GRM5: variants seen among roughly 807,000 people sequenced by gnomAD.
GRM5 encodes glutamate metabotropic receptor 5.
Under a neutral mutation model 83.1 loss-of-function variants are expected in GRM5, and 19 were observed. That is an observed-to-expected ratio of 0.23 (90% CI 0.16 to 0.34). The LOEUF (loss-of-function observed/expected upper bound fraction) is 0.34, where lower values mean the gene tolerates loss of function less well. Among genes scored for constraint, GRM5 ranks in the 10% least tolerant of loss-of-function variants. GRM5 has a pLI of 1.00. For synonymous variants in GRM5, 675 were observed against 633.6 expected (o/e 1.07, Z -0.98); for missense variants, 1,160 against 1,588.3 (o/e 0.73, Z 4.58).
At chr11:88,779,917 A>G (rs1942939366) in intron 3 of GRM5, among the ~76,000 whole-genome samples, 2 of 152,088 alleles carry the variant, frequency 1.3e-5, no homozygotes, top group African/African-American at 4.8e-5. Flanking sequence ...TTCCTGGATT[A>G]GTGCCCCATC....
intron 3 of GRM5, among the ~76,000 whole-genome samples, chr11:88,697,762 A>T (rs1313354138): frequency 1.3e-5 from 2 of 152,242 alleles, no homozygotes; most frequent in Non-Finnish European, 2.9e-5. Flanking sequence ...CATAGCACTG[A>T]CAAAAGCTCT....
At chr11:88,596,224 A>T (rs1032980033) in intron 6 of GRM5, among the ~76,000 whole-genome samples, 1 of 152,070 alleles carries the variant, frequency 6.6e-6, no homozygotes, top group Non-Finnish European at 1.5e-5. Context: ...GAATCTACAA[A>T]CGTTTTCTCC....
chr11:88,795,963 G>C (rs11021345), intron 3 of GRM5, among the ~76,000 whole-genome samples: 1 of 152,108 alleles, frequency 6.6e-6, no homozygotes, highest in Non-Finnish European at 1.5e-5. Flanking sequence ...TTAATGAAAC[G>C]TATTAGTAAT....
At chr11:88,969,106 G>C (rs1939084081) in intron 2 of GRM5, among the ~76,000 whole-genome samples, 1 of 152,036 alleles carries the variant, frequency 6.6e-6, no homozygotes, top group Admixed American at 6.6e-5. Flanking sequence ...ATGAACAACA[G>C]GTGAGGAGAA....
intron 3 of GRM5, among the ~76,000 whole-genome samples, chr11:88,841,496 C>A (rs1944200571): frequency 6.6e-6 from 1 of 152,184 alleles, no homozygotes; most frequent in Admixed American, 6.5e-5. Flanking sequence ...CATACACCTA[C>A]ATAAAAGCTG....
At chr11:88,597,435 A>T in intron 5 of GRM5, 83 bp from the exon 6 acceptor site, 1 of 712,250 alleles carries the variant, frequency 1.4e-6, no homozygotes, top group Non-Finnish European at 2.3e-6. Context: ...ATTCCCAAAA[A>T]TGTGTCTATT....
At chr11:88,725,835 G>A (rs577683593) in intron 3 of GRM5, among the ~76,000 whole-genome samples, 4 of 151,882 alleles carry the variant, frequency 2.6e-5, no homozygotes, top group Non-Finnish European at 5.9e-5. Flanking sequence ...GAAAGGAATA[G>A]CATCAACATC....
intron 3 of GRM5, among the ~76,000 whole-genome samples, chr11:88,708,523 G>C (rs1941211297): frequency 6.6e-6 from 1 of 151,988 alleles, no homozygotes; most frequent in South Asian, 2.1e-4. Context: ...CATGTAGTTT[G>C]ATCTTACAAA....
At chr11:88,667,992 A>G (rs954434967) in intron 3 of GRM5, among the ~76,000 whole-genome samples, 4 of 152,166 alleles carry the variant, frequency 2.6e-5, no homozygotes, top group African/African-American at 7.2e-5. Context: ...CAACAATGAA[A>G]GAAATGAGAA....
At chr11:88,985,975 T>A (rs560283974) in intron 2 of GRM5, among the ~76,000 whole-genome samples, 1 of 152,144 alleles carries the variant, frequency 6.6e-6, no homozygotes, top group Non-Finnish European at 1.5e-5. Flanking sequence ...TAATAAATAA[T>A]AAATAAACAT....
At chr11:88,889,106 A>G (rs1382407336) in intron 2 of GRM5, among the ~76,000 whole-genome samples, 1 of 152,198 alleles carries the variant, frequency 6.6e-6, no homozygotes, top group Admixed American at 6.5e-5. Flanking sequence ...TTTACAAAAT[A>G]TCTTAAGCAC....
intron 2 of GRM5, among the ~76,000 whole-genome samples, chr11:88,987,265 T>G (rs543134821): frequency 6.3e-4 from 95 of 151,952 alleles, no homozygotes; most frequent in Non-Finnish European, 1.1e-3. Context: ...ACCTGGAAAA[T>G]CGGGTCACTC....
chr11:88,678,937 G>A (rs1167570178), intron 3 of GRM5, among the ~76,000 whole-genome samples: 2 of 151,954 alleles, frequency 1.3e-5, no homozygotes, highest in African/African-American at 4.8e-5. Context: ...AAGAAGGCCA[G>A]TACAGTGAAT....
chr11:88,718,581 G>T (rs1049587441), intron 3 of GRM5, among the ~76,000 whole-genome samples: 1 of 151,934 alleles, frequency 6.6e-6, no homozygotes. Flanking sequence ...CTACAGAAAA[G>T]TTGAGATATT....
At chr11:88,973,865 T>C (rs1939243316) in intron 2 of GRM5, among the ~76,000 whole-genome samples, 1 of 152,168 alleles carries the variant, frequency 6.6e-6, no homozygotes, top group Non-Finnish European at 1.5e-5. Context: ...TTTTTCAATT[T>C]CTATGTAAAT....
At chr11:88,724,775 G>A (rs1345826352) in intron 3 of GRM5, among the ~76,000 whole-genome samples, 1 of 152,092 alleles carries the variant, frequency 6.6e-6, no homozygotes, top group Admixed American at 6.5e-5. Flanking sequence ...AGCAGGGTGG[G>A]GCATCACTTC....
intron 9 of GRM5, chr11:88,512,479 T>C (rs1941403699): frequency 6.5e-6 from 1 of 154,158 alleles, no homozygotes; most frequent in African/African-American, 2.4e-5. Flanking sequence ...AGAAAGTACA[T>C]TCTATGAAGA....
intron 2 of GRM5, among the ~76,000 whole-genome samples, chr11:88,870,786 G>A (rs1455588904): frequency 6.6e-6 from 1 of 151,522 alleles, no homozygotes; most frequent in African/African-American, 2.4e-5. Flanking sequence ...GGATATGGGT[G>A]TACGTGTAAA....
rs569086632 is a variant in GRM5, at chr11:89,016,525, T to A, written c.661+30687A>T. On this transcript the variant is annotated intron_variant, in intron 2 of 9. Transcript: ENST00000305447. ...TGTGGTGGTAGTATTTGCTAACCAA[T>A]GCATAATCCTTTATATACACTGTCT... Among the ~76,000 whole-genome samples the A allele has an allele frequency of 2.0e-5, 3 of 152,288 alleles. No homozygotes were observed. In the South Asian group the frequency reaches 6.2e-4, roughly 32 times the overall value.
Sources: allele counts gnomAD v4.1 joint callset (sites outside exome capture counted in the v4.1 genomes callset), GRCh38; gene constraint gnomAD v4.1.1; transcripts MANE v1.5; gene names NCBI Gene and HGNC (gene_info 2026-07-23, HGNC 2026-07-21).